SMIM35: variants seen among roughly 807,000 people sequenced by gnomAD.
SMIM35 encodes small integral membrane protein 35.
chr11:118,063,882 C>T (rs1046230030), intron 1 of SMIM35, among the ~76,000 whole-genome samples: 1 of 152,188 alleles, frequency 6.6e-6, no homozygotes, highest in East Asian at 1.9e-4. Context: ...CTGTATCATT[C>T]GTAATATCCT....
At chr11:118,068,898 G>T (rs1345469665) in intron 1 of SMIM35, among the ~76,000 whole-genome samples, 1 of 152,190 alleles carries the variant, frequency 6.6e-6, no homozygotes, top group Non-Finnish European at 1.5e-5. Context: ...TCAAGCCAGA[G>T]CCACCAGCAT....
chr11:118,013,083 G>A (rs1225569226), intron 4 of SMIM35, among the ~76,000 whole-genome samples: 6 of 152,120 alleles, frequency 3.9e-5, no homozygotes, highest in Non-Finnish European at 8.8e-5. Flanking sequence ...TGCCCAGCCA[G>A]ACTCCATTCC....
At chr11:118,057,547 C>T (rs1944333594) in intron 1 of SMIM35, among the ~76,000 whole-genome samples, 1 of 152,098 alleles carries the variant, frequency 6.6e-6, no homozygotes, top group African/African-American at 2.4e-5. Context: ...GGTCACTGCT[C>T]TGTGGCCAAA....
chr11:118,035,114 G>A (rs1219149786), intron 1 of SMIM35, among the ~76,000 whole-genome samples: 1 of 152,200 alleles, frequency 6.6e-6, no homozygotes, highest in East Asian at 1.9e-4. Flanking sequence ...ATTGTGCCCA[G>A]CTAATTTTTG....
At chr11:118,009,496 G>C (rs1402291304) in intron 4 of SMIM35, among the ~76,000 whole-genome samples, 1 of 152,116 alleles carries the variant, frequency 6.6e-6, no homozygotes, top group Non-Finnish European at 1.5e-5. Flanking sequence ...AGGTAAAGTT[G>C]GTTGGGAATG....
intron 1 of SMIM35, among the ~76,000 whole-genome samples, chr11:118,030,073 C>T (rs759331943): frequency 4.0e-4 from 61 of 151,714 alleles, no homozygotes; most frequent in African/African-American, 1.3e-3. Flanking sequence ...CTCACTCTGT[C>T]GCCCAGGCTG....
intron 1 of SMIM35, among the ~76,000 whole-genome samples, chr11:118,073,168 C>T (rs1944599992): frequency 6.6e-6 from 1 of 152,218 alleles, no homozygotes. Flanking sequence ...AAACTCCTGA[C>T]CTCAAGTGAT....
At chr11:118,011,142 AAG>A (rs1325276350) in intron 4 of SMIM35, among the ~76,000 whole-genome samples, 2 of 152,132 alleles carry the variant, frequency 1.3e-5, no homozygotes, top group Non-Finnish European at 2.9e-5. Flanking sequence ...AGGGCCCTAA[AAG>A]AGGAAGTCGC....
At chr11:118,007,817 C>G (rs906308905) in intron 4 of SMIM35, among the ~76,000 whole-genome samples, 2 of 152,092 alleles carry the variant, frequency 1.3e-5, no homozygotes, top group Non-Finnish European at 2.9e-5. Flanking sequence ...GATAAAAACT[C>G]ACTTCCAGCA....
intron 1 of SMIM35, among the ~76,000 whole-genome samples, chr11:118,031,584 G>A (rs1004821141): frequency 2.0e-5 from 3 of 151,838 alleles, no homozygotes; most frequent in African/African-American, 4.8e-5. Flanking sequence ...AAGTGATGGC[G>A]GGAACAACCC....
At chr11:118,085,905 AG>A (rs769690781) in intron 1 of SMIM35, among the ~76,000 whole-genome samples, 23 of 152,342 alleles carry the variant, frequency 1.5e-4, no homozygotes, top group Non-Finnish European at 3.4e-4. Flanking sequence ...AGCTGAGCAA[AG>A]TAGAGCTGTT....
chr11:118,010,095 G>T (rs1457182604), intron 4 of SMIM35, among the ~76,000 whole-genome samples: 1 of 152,208 alleles, frequency 6.6e-6, no homozygotes, highest in African/African-American at 2.4e-5. Flanking sequence ...TTGACATAAG[G>T]CTCAAAATGC....
rs150499955 is a variant in SMIM35 at position 118,052,963 on chromosome 11, G to T, written c.7+33788C>A. Among the ~76,000 whole-genome samples the T allele has an allele frequency of 2.8e-4, 42 of 152,300 alleles. No individual in the cohort carries two copies. The East Asian group carries it at 7.1e-3, about 26-fold the overall frequency. On this transcript the variant is annotated intron_variant, in intron 1 of 4. Transcript: ENST00000689828. ...AGGTCCACCTCCCAGCCTAGGCTGT[G>T]GTTCCTCCAGGGTCCAGACAGGCTT...
At chr11:118,070,646 T>G (rs1056178679) in intron 1 of SMIM35, among the ~76,000 whole-genome samples, 1 of 152,150 alleles carries the variant, frequency 6.6e-6, no homozygotes. Flanking sequence ...GAGAGACAGA[T>G]GAAAAGAAAC....
At chr11:118,012,480 A>T (rs1010254189) in intron 4 of SMIM35, among the ~76,000 whole-genome samples, 4 of 152,102 alleles carry the variant, frequency 2.6e-5, no homozygotes, top group Admixed American at 6.6e-5. Context: ...TTTCTGGCCC[A>T]CTTTTGCCAC....
intron 1 of SMIM35, among the ~76,000 whole-genome samples, chr11:118,042,845 C>G (rs1944027797): frequency 6.6e-6 from 1 of 152,218 alleles, no homozygotes; most frequent in African/African-American, 2.4e-5. Context: ...AAGATTAGTT[C>G]AGCATCTGAA....
chr11:118,009,410 T>C (rs1591272216), intron 4 of SMIM35, among the ~76,000 whole-genome samples: 1 of 152,170 alleles, frequency 6.6e-6, no homozygotes, highest in Non-Finnish European at 1.5e-5. Flanking sequence ...TGTGAGGCTG[T>C]GAGGATGAAG....
intron 1 of SMIM35, among the ~76,000 whole-genome samples, chr11:118,084,720 G>A (rs1174982163): frequency 6.6e-6 from 1 of 152,222 alleles, no homozygotes; most frequent in Non-Finnish European, 1.5e-5. Flanking sequence ...TATGTTTCAA[G>A]CACCAAGCCA....
At chr11:118,022,274 C>T (rs991165348) in intron 1 of SMIM35, among the ~76,000 whole-genome samples, 1 of 152,166 alleles carries the variant, frequency 6.6e-6, no homozygotes, top group Non-Finnish European at 1.5e-5. Flanking sequence ...TGGTCTTGAT[C>T]TCTTGACCTC....
Sources: gnomAD v4.1 joint callset for allele counts (sites outside exome capture counted in the v4.1 genomes callset) on GRCh38, gnomAD v4.1.1 for gene constraint, MANE v1.5 for transcripts, NCBI Gene and HGNC (gene_info 2026-07-23, HGNC 2026-07-21) for gene names.